Variants in ITSN2 observed in about 807,000 individuals in gnomAD.
ITSN2 encodes the protein intersectin-2.
A neutral mutation model predicts 243.7 loss-of-function variants in ITSN2; 156 were observed. The observed-to-expected ratio is 0.64, with a 90% CI of 0.56 to 0.73. The LOEUF is 0.73. Ranked by LOEUF, ITSN2 falls within the 30% of genes least tolerant of loss-of-function variation. The probability of loss-of-function intolerance (pLI) is 0.00; values close to 1 mark genes in which losing one functional copy is unlikely to be tolerated. For synonymous variants in ITSN2, 703 were observed against 699.9 expected (o/e 1.00, Z -0.07); for missense variants, 1,801 against 1,996.1 (o/e 0.90, Z 1.86).
intron 1 of ITSN2, among the ~76,000 whole-genome samples, chr2:24,352,769 A>G (rs2151946009): frequency 6.6e-6 from 1 of 152,314 alleles, no homozygotes. Flanking sequence ...CAATTTTTGA[A>G]GAATAGTCAA....
chr2:24,358,408 G>C (rs1415385064), intron 1 of ITSN2, among the ~76,000 whole-genome samples: 1 of 152,192 alleles, frequency 6.6e-6, no homozygotes, highest in Non-Finnish European at 1.5e-5. Flanking sequence ...GCCTTAGTGA[G>C]CTTTAAATGA....
At chr2:24,286,035 C>T (rs139590606) in intron 16 of ITSN2, among the ~76,000 whole-genome samples, 177 bp downstream of exon 16, 189 of 152,092 alleles carry the variant, frequency 1.2e-3, no homozygotes, top group African/African-American at 4.4e-3. Flanking sequence ...TTATATGACA[C>T]TATGTCATAT....
intron 5 of ITSN2, 74 bp downstream of exon 5, chr2:24,312,138 T>G: frequency 2.4e-6 from 3 of 1,248,832 alleles, no homozygotes; most frequent in Non-Finnish European, 3.3e-6. Context: ...AACAAATCCT[T>G]TTCTAATACT....
At position 24,280,430 on chromosome 2, in the gene ITSN2, C is replaced by T. The variant is rs139562446; in HGVS notation, c.1944+4333G>A. 3.9e-5 allele frequency among the ~76,000 whole-genome samples: 6 copies of T among 152,250 alleles called. No homozygotes were observed. The East Asian group carries it at 9.6e-4, about 24-fold the overall frequency. ...TCCCTTAATCTGACCCAATCCCCTA[C>T]TCATTCTCTCCTCAAACCTCTCCAC... On this transcript the variant is annotated intron_variant, in intron 17 of 39. Transcript: ENST00000355123.
chr2:24,248,774 T>C, intron 26 of ITSN2, 24 bp from the exon 27 acceptor site: 2 of 1,612,918 alleles, frequency 1.2e-6, no homozygotes, highest in Non-Finnish European at 1.7e-6. Flanking sequence ...GAAGAAACTA[T>C]GAATTCAAGA....
rs571817508 is a variant in ITSN2, at chr2:24,340,188, T to C, written c.-33-12073A>G. On this transcript the variant is annotated intron_variant, in intron 1 of 39. Transcript: ENST00000355123. ...CCAGTATTTAAAACACAGTATAAAGTTGAATGTACTTGGCAGGGCGCGGTG... is the reference window on the plus strand; with the variant it reads ...CCAGTATTTAAAACACAGTATAAAGCTGAATGTACTTGGCAGGGCGCGGTG... 3.2e-4 allele frequency among the ~76,000 whole-genome samples: 48 copies of C among 152,046 alleles called. 1 individual carries two copies. Among genetic ancestry groups the C allele is most frequent in the South Asian group, 1.9e-3 (9 of 4,808 alleles).
At chr2:24,252,961 A>G (rs1438639425) in intron 24 of ITSN2, among the ~76,000 whole-genome samples, 3 of 152,206 alleles carry the variant, frequency 2.0e-5, no homozygotes, top group Non-Finnish European at 2.9e-5. Flanking sequence ...GTACACAGTT[A>G]TGGAAACACT....
At chr2:24,206,948 T>A (rs1668953630) in intron 37 of ITSN2, among the ~76,000 whole-genome samples, 1 of 151,762 alleles carries the variant, frequency 6.6e-6, no homozygotes, top group Admixed American at 6.6e-5. Context: ...GCACTTGAGC[T>A]GGAGGGGGAG....
chr2:24,350,903 G>A (rs1038812837), intron 1 of ITSN2, among the ~76,000 whole-genome samples: 3 of 152,164 alleles, frequency 2.0e-5, no homozygotes, highest in Non-Finnish European at 2.9e-5. Context: ...TAAGAACGAC[G>A]AAAATGTTCT....
In ITSN2 at chr2:24,324,145, C is replaced by T. The variant is rs544557067; in HGVS notation, c.31+3907G>A. 1.1e-4 allele frequency among the ~76,000 whole-genome samples: 16 copies of T among 152,118 alleles called. No individual in the cohort carries two copies. The East Asian group carries it at 1.9e-3, about 18-fold the overall frequency. On this transcript the variant is annotated intron_variant, in intron 2 of 39. Coordinates refer to ENST00000355123, the MANE Select transcript of ITSN2 (RefSeq NM_006277.3). ...TACTCGGGAGGCTGAGGCAGGAGAA[C>T]GGCGTGAACCCAGTAGGCGGAGCTT...
chr2:24,329,683 T>G (rs886117971), intron 1 of ITSN2, among the ~76,000 whole-genome samples: 6 of 152,186 alleles, frequency 3.9e-5, no homozygotes, highest in African/African-American at 1.4e-4. Flanking sequence ...CACTACTATA[T>G]TAAAAGATCA....
intron 22 of ITSN2, among the ~76,000 whole-genome samples, chr2:24,258,602 G>A (rs1241335159): frequency 6.6e-6 from 1 of 151,734 alleles, no homozygotes; most frequent in East Asian, 1.9e-4. Flanking sequence ...CTTTAATAAG[G>A]CTAAACTCTT....
intron 7 of ITSN2, 24 bp downstream of exon 7, chr2:24,310,259 AG>A (rs769953555): frequency 7.0e-7 from 1 of 1,429,042 alleles, no homozygotes; most frequent in South Asian, 1.2e-5. Flanking sequence ...AAGCATAAAA[AG>A]TTGTCAGAGT....
At chr2:24,243,891 G>A (rs1281203695) in intron 29 of ITSN2, among the ~76,000 whole-genome samples, 1 of 152,186 alleles carries the variant, frequency 6.6e-6, no homozygotes, top group African/African-American at 2.4e-5. Flanking sequence ...GAGTTTCTCA[G>A]TCGTATTAGC....
At chr2:24,272,083 C>G (rs904403351) in intron 18 of ITSN2, 142 bp from the exon 19 acceptor site, 8 of 632,072 alleles carry the variant, frequency 1.3e-5, no homozygotes, top group Middle Eastern at 8.8e-4. Context: ...CTGCTGAGAT[C>G]AGAGGTGAAA....
In ITSN2 at chr2:24,313,623, T is replaced by C. The variant is rs552716308; in HGVS notation, c.125-100A>G. ...GGTATATGTTAATGATTTATTATAA[T>C]TTTAATACCAATCATTAAAGAATAA... is the stretch of plus-strand genomic sequence containing the variant. On this transcript the variant is annotated intron_variant, in intron 3 of 39. Transcript: ENST00000355123. The C allele has an allele frequency of 3.7e-4, 258 of 704,096 alleles. No homozygotes were observed. The African/African-American group carries it at 4.2e-3, about 11-fold the overall frequency. 43.6% of individuals were successfully genotyped at this position (704,096 alleles called of 1,614,324 possible).
intron 1 of ITSN2, among the ~76,000 whole-genome samples, chr2:24,359,815 T>C (rs1447041879): frequency 6.6e-6 from 1 of 152,280 alleles, no homozygotes; most frequent in South Asian, 2.1e-4. Context: ...TCGGGCTACT[T>C]TGACGCACCG....
intron 13 of ITSN2, among the ~76,000 whole-genome samples, chr2:24,297,574 T>C (rs1212535094): frequency 6.6e-6 from 1 of 152,062 alleles, no homozygotes; most frequent in Non-Finnish European, 1.5e-5. Context: ...AAATCTTGAG[T>C]GAAACCCCAA....
chr2:24,209,816 ACC>A lies in ITSN2; in HGVS notation c.4473_4473+1del, dbSNP rs2151095661. The A allele has an allele frequency of 6.2e-7, 1 of 1,612,516 alleles. No individual in the cohort carries two copies. Among genetic ancestry groups the A allele is most frequent in the East Asian group, 2.2e-5 (1 of 44,876 alleles). On this transcript the variant is annotated splice_donor_variant and coding_sequence_variant, in exon 35 of 40. Transcript: ENST00000355123. LOFTEE classifies it high-confidence loss of function. Reference sequence around the variant, plus strand: ...TGCTACCCCCAGACGCGTGATACTCACCGTTTTATACATTTTGAATTGAGCAT... The same window carrying A: ...TGCTACCCCCAGACGCGTGATACTCAGTTTTATACATTTTGAATTGAGCAT...
Sources: gnomAD v4.1 joint callset for allele counts (sites outside exome capture counted in the v4.1 genomes callset) on GRCh38, gnomAD v4.1.1 for gene constraint, MANE v1.5 for transcripts, NCBI Gene and HGNC (gene_info 2026-07-23, HGNC 2026-07-21) for gene names.